Variants in EIF2AK4 observed in about 807,000 individuals in gnomAD.
EIF2AK4 encodes eukaryotic translation initiation factor 2 alpha kinase 4.
A neutral mutation model predicts 211.1 loss-of-function variants in EIF2AK4; 139 were observed. The observed-to-expected ratio is 0.66, with a 90% CI of 0.57 to 0.76. The LOEUF (loss-of-function observed/expected upper bound fraction) is 0.76, where lower values mean the gene tolerates loss of function less well. EIF2AK4 is among the 30% of genes least tolerant of loss of function. EIF2AK4 has a pLI of 0.00. For missense variants in EIF2AK4, 1,664 were observed against 2,043.8 expected (o/e 0.81, Z 3.58); for synonymous variants, 710 against 751.3 (o/e 0.94, Z 0.90).
intron 14 of EIF2AK4, among the ~76,000 whole-genome samples, chr15:39,986,566 C>G (rs1337223324): frequency 3.3e-5 from 5 of 152,212 alleles, no homozygotes; most frequent in African/African-American, 1.2e-4. Flanking sequence ...GGCCATAAAA[C>G]AAGTTGGCCG....
At chr15:39,998,212 G>T (rs1288991104) in intron 19 of EIF2AK4, among the ~76,000 whole-genome samples, 3 of 143,038 alleles carry the variant, frequency 2.1e-5, no homozygotes, top group Non-Finnish European at 4.8e-5. Flanking sequence ...TGGGGAAGTA[G>T]AGATTTTTTT....
At chr15:40,002,861 G>A in intron 22 of EIF2AK4, 73 bp downstream of exon 22, 1 of 1,493,256 alleles carries the variant, frequency 6.7e-7, no homozygotes, top group Non-Finnish European at 9.3e-7. Flanking sequence ...TACTGTTAGT[G>A]TTCGGGCATA....
At chr15:39,951,007 A>G (rs2034302367) in intron 4 of EIF2AK4, among the ~76,000 whole-genome samples, 1 of 152,228 alleles carries the variant, frequency 6.6e-6, no homozygotes. Context: ...CATGAATGAA[A>G]ATAGAAAAAC....
At chr15:39,963,364 T>C (rs906314252) in intron 7 of EIF2AK4, among the ~76,000 whole-genome samples, 1 of 152,206 alleles carries the variant, frequency 6.6e-6, no homozygotes, top group African/African-American at 2.4e-5. Flanking sequence ...ACTTAGTCTC[T>C]TATTCTCACT....
At chr15:39,966,501 C>CA (rs11391028) in intron 8 of EIF2AK4, among the ~76,000 whole-genome samples, 114,903 of 140,354 alleles carry the variant, frequency 0.82, 47,942 homozygotes, top group Non-Finnish European at 0.92. Flanking sequence ...ACCCTGTCTC[C>CA]AAAAAAAAAA....
Position 40,020,995 on chromosome 15 carries a change from A to G in EIF2AK4, c.4270A>G (p.Ile1424Val). The G allele has an allele frequency of 6.2e-7, 1 of 1,613,940 alleles. No individual in the cohort carries two copies. Among genetic ancestry groups the G allele is most frequent in the South Asian group, 1.1e-5 (1 of 90,992 alleles). ...NLTQKLWTAG[I>V]TAEIMYDWSQ... ...AACCCAGAAACTCTGGACAGCAGGC[A>G]TCACAGCAGAAATCATGTACGACTG... Residue 1424 changes from isoleucine (I) to valine (V), a missense_variant, in exon 31 of 39, where the codon ATC becomes GTC. Physicochemically the swap from Ile to Val is conservative, Grantham distance 29 (BLOSUM62 3). Coordinates refer to ENST00000263791, the MANE Select transcript of EIF2AK4 (RefSeq NM_001013703.4).
chr15:40,013,463 C>T (rs1391900037), intron 27 of EIF2AK4, among the ~76,000 whole-genome samples: 1 of 152,142 alleles, frequency 6.6e-6, no homozygotes. Flanking sequence ...TTCACAGTTC[C>T]ACATGGCTGG....
chr15:40,010,309 A>G (rs971244812), intron 26 of EIF2AK4, among the ~76,000 whole-genome samples: 3 of 152,190 alleles, frequency 2.0e-5, no homozygotes, highest in African/African-American at 4.8e-5. Flanking sequence ...AAAGTCATGT[A>G]TAGATTTGCA....
Position 40,017,258 on chromosome 15 carries a change from T to G in EIF2AK4, c.4065+16T>G, listed in dbSNP as rs1227674990. On this transcript the variant is annotated intron_variant, in intron 29 of 38. Coordinates refer to ENST00000263791, the MANE Select transcript of EIF2AK4 (RefSeq NM_001013703.4). ...TGACCTGCTGGTGAGGGCTTGCCCT[T>G]TATTTATTTGCTCTGACTTAATTTT... is the stretch of plus-strand genomic sequence containing the variant. 1.8e-5 allele frequency: 28 copies of G among 1,591,276 alleles called. No homozygotes were observed. The highest frequency in any genetic ancestry group is 2.2e-5 in the Non-Finnish European group (26 of 1,162,788).
chr15:39,958,134 A>G (rs1267076193), intron 6 of EIF2AK4, among the ~76,000 whole-genome samples: 1 of 152,258 alleles, frequency 6.6e-6, no homozygotes, highest in Non-Finnish European at 1.5e-5. Flanking sequence ...GTGAGGCTGT[A>G]TTTGTGAAGT....
intron 9 of EIF2AK4, among the ~76,000 whole-genome samples, chr15:39,971,762 T>C (rs1454346712): frequency 2.6e-5 from 4 of 152,068 alleles, no homozygotes; most frequent in Non-Finnish European, 5.9e-5. Context: ...TTAAATCAGT[T>C]ACAGTTTAAC....
Position 39,939,608 on chromosome 15 carries a change from A to T in EIF2AK4, c.248A>T (p.Tyr83Phe). 6.2e-7 allele frequency: 1 copy of T among 1,606,836 alleles called. No individual in the cohort carries two copies. The highest frequency in any genetic ancestry group is 2.2e-5 in the East Asian group (1 of 44,722). Residue 83 changes from tyrosine (Y) to phenylalanine (F), a missense_variant, in exon 2 of 39, where the codon TAT becomes TTT. Tyr to Phe is a conservative substitution (Grantham distance 22). Transcript: ENST00000263791. Reference sequence around the variant, plus strand: ...TTGAGGGTTAAATGCCCACCTACCTATCCAGATGTGTGAGTACATTTATAA... The same window carrying T: ...TTGAGGGTTAAATGCCCACCTACCTTTCCAGATGTGTGAGTACATTTATAA... Reference protein sequence around the residue: ...VDLRVKCPPTYPDVVPEIELK... With the variant: ...VDLRVKCPPTFPDVVPEIELK...
intron 18 of EIF2AK4, 139 bp from the exon 19 acceptor site, chr15:39,996,825 A>T (rs2035024306): frequency 1.7e-6 from 1 of 600,916 alleles, no homozygotes; most frequent in East Asian, 2.7e-5. Flanking sequence ...TTTAAGAACA[A>T]ATCTTCGCAT....
intron 5 of EIF2AK4, 28 bp from the exon 6 acceptor site, chr15:39,955,592 A>G: frequency 1.3e-6 from 2 of 1,588,646 alleles, no homozygotes; most frequent in South Asian, 1.2e-5. Flanking sequence ...ACTTACATCT[A>G]AAGTAAGTTT....
Position 40,008,073 on chromosome 15 carries a change from C to T in EIF2AK4, c.3454C>T (p.His1152Tyr). ...CAGGCCGCGCAAGTTAGATCGATTT[C>T]ATCCCAAAGAACTTCTGGAGTGTGC... ...VFRPRKLDRF[H>Y]PKELLECAFD... The change falls in exon 25 of 39, where the codon CAT (histidine) becomes TAT (tyrosine). Residue 1152 changes from histidine (H) to tyrosine (Y), a missense_variant. Around this residue, in one of 7 missense-constraint regions of EIF2AK4, gnomAD observed 622 missense variants for 796.8 expected, o/e 0.78. Transcript: ENST00000263791. 1 of 1,611,000 alleles carries T rather than the reference C, an allele frequency of 6.2e-7. No individual in the cohort carries two copies. The highest frequency in any genetic ancestry group is 8.5e-7 in the Non-Finnish European group (1 of 1,178,772).
intron 23 of EIF2AK4, among the ~76,000 whole-genome samples, chr15:40,003,532 C>G (rs1010175139): frequency 1.3e-5 from 2 of 152,180 alleles, no homozygotes; most frequent in East Asian, 3.8e-4. Flanking sequence ...GTTTATGGCT[C>G]TAGGAACTGG....
intron 6 of EIF2AK4, among the ~76,000 whole-genome samples, chr15:39,960,537 A>G (rs1345858753): frequency 1.3e-5 from 2 of 152,110 alleles, no homozygotes; most frequent in South Asian, 4.1e-4. Context: ...TGGCAGTTTT[A>G]TTGACGTTGC....
intron 16 of EIF2AK4, chr15:39,991,908 A>G (rs2034949110): frequency 3.4e-6 from 1 of 293,384 alleles, no homozygotes; most frequent in Admixed American, 4.8e-5. Flanking sequence ...ATGAAAATAA[A>G]TTGGTTTCTC....
Position 40,035,188 on chromosome 15 carries a change from G to C in EIF2AK4, c.*104G>C, listed in dbSNP as rs972108893. On this transcript the variant is annotated 3_prime_UTR_variant, in exon 39 of 39. Coordinates refer to ENST00000263791, the MANE Select transcript of EIF2AK4 (RefSeq NM_001013703.4). The stretch of plus-strand genomic sequence containing the variant: ...AATTTAAAATTAAATTCTAAGAAGA[G>C]GCTGGGTGCAGTGGCTCACACCTTT... 1.0e-6 allele frequency: 1 copy of C among 977,798 alleles called. No homozygotes were observed. The highest frequency in any genetic ancestry group is 2.6e-5 in the Admixed American group (1 of 38,600). The allele number at this position is 977,798 out of a possible 1,614,324, so 60.6% of individuals were successfully genotyped here. A position where few individuals can be genotyped will look rare whatever the true frequency, so the allele number is the denominator to read the frequency against.
Sources: gnomAD v4.1 joint callset for allele counts (sites outside exome capture counted in the v4.1 genomes callset) on GRCh38, gnomAD v4.1.1 for gene constraint, gnomAD v4.1.1 regional missense constraint, MANE v1.5 for transcripts, NCBI Gene and HGNC (gene_info 2026-07-23, HGNC 2026-07-21) for gene names.